CNTN5: variants seen among roughly 807,000 people sequenced by gnomAD.
CNTN5 encodes contactin-5.
CNTN5 carries 77 observed loss-of-function variants against 129.1 expected under a neutral mutation model. The observed-to-expected ratio is 0.60, with a 90% CI of 0.50 to 0.72. The LOEUF (loss-of-function observed/expected upper bound fraction) is 0.72. CNTN5 is among the 30% of genes least tolerant of loss of function. The pLI, the probability that CNTN5 is intolerant of heterozygous loss-of-function variation, is 0.00. For synonymous variants in CNTN5, 509 were observed against 465.6 expected, an observed-to-expected ratio of 1.09 and a Z score of -1.20; for missense variants, 1,478 against 1,328.8, an observed-to-expected ratio of 1.11 and a Z score of -1.75.
intron 1 of CNTN5, among the ~76,000 whole-genome samples, chr11:99,087,628 G>A (rs957260793): frequency 1.3e-5 from 2 of 152,136 alleles, no homozygotes; most frequent in African/African-American, 2.4e-5. Flanking sequence ...AGTACTTCTT[G>A]ATATCCGTTA....
intron 2 of CNTN5, among the ~76,000 whole-genome samples, chr11:99,551,139 T>C (rs866327615): frequency 2.0e-5 from 3 of 152,180 alleles, no homozygotes; most frequent in Non-Finnish European, 1.5e-5. Flanking sequence ...GCACTATTTA[T>C]ACACTGCAGT....
At chr11:99,038,954 G>A (rs954773614) in intron 1 of CNTN5, among the ~76,000 whole-genome samples, 4 of 151,972 alleles carry the variant, frequency 2.6e-5, no homozygotes, top group African/African-American at 9.7e-5. Flanking sequence ...CCTAATTGTT[G>A]TATTGATTAT....
intron 18 of CNTN5, among the ~76,000 whole-genome samples, chr11:100,279,837 G>C: frequency 6.8e-6 from 1 of 146,488 alleles, no homozygotes; most frequent in East Asian, 2.0e-4. Flanking sequence ...ACTAATTTTG[G>C]GTTTGGTTTA....
chr11:99,822,801 A>G (rs1427413062), intron 4 of CNTN5, among the ~76,000 whole-genome samples: 1 of 152,238 alleles, frequency 6.6e-6, no homozygotes, highest in Non-Finnish European at 1.5e-5. Context: ...TCTGTTGGCT[A>G]TGGCTATTAA....
intron 1 of CNTN5, among the ~76,000 whole-genome samples, chr11:99,285,299 T>TA (rs1186513088): frequency 6.6e-6 from 1 of 152,182 alleles, no homozygotes; most frequent in African/African-American, 2.4e-5. Context: ...CCTTTAGTGT[T>TA]AAAAATCTCC....
At chr11:99,023,406 G>A (rs1862973599) in intron 1 of CNTN5, among the ~76,000 whole-genome samples, 3 of 152,218 alleles carry the variant, frequency 2.0e-5, no homozygotes, top group South Asian at 4.1e-4. Flanking sequence ...GAGTGTGATT[G>A]TCTGTCACAG....
chr11:99,743,381 C>T (rs74397240), intron 3 of CNTN5, among the ~76,000 whole-genome samples: 4,750 of 152,172 alleles, frequency 0.031, 112 homozygotes, highest in African/African-American at 0.061. Context: ...TTGTCTTCCT[C>T]ATTAAATTGT....
At chr11:99,622,162 A>G (rs1950971876) in intron 3 of CNTN5, among the ~76,000 whole-genome samples, 1 of 152,160 alleles carries the variant, frequency 6.6e-6, no homozygotes, top group South Asian at 2.1e-4. Context: ...TAACTTTTTC[A>G]TTCACATGTA....
In CNTN5 at chr11:99,095,484, A is replaced by T. The variant is rs1302408862; in HGVS notation, c.-210+74214A>T. Among the ~76,000 whole-genome samples, 3 of 152,056 alleles carry T rather than the reference A, an allele frequency of 2.0e-5. No homozygotes were observed. In the East Asian group the frequency reaches 5.8e-4, roughly 29 times the overall value. Reference sequence around the variant, plus strand: ...GGAAGTTACTTCTTTTACCTGGGGCATGTATGAAATACTAGCATTTACGGT... The same window carrying T: ...GGAAGTTACTTCTTTTACCTGGGGCTTGTATGAAATACTAGCATTTACGGT... On this transcript the variant is annotated intron_variant, in intron 1 of 24. Transcript: ENST00000524871.
chr11:100,016,485 C>T (rs1456649447), intron 9 of CNTN5, among the ~76,000 whole-genome samples: 1 of 151,902 alleles, frequency 6.6e-6, no homozygotes, highest in Non-Finnish European at 1.5e-5. Flanking sequence ...TGTCTTATAG[C>T]TCATTCTTCG....
intron 6 of CNTN5, among the ~76,000 whole-genome samples, chr11:99,874,260 C>T (rs1198055428): frequency 1.3e-5 from 2 of 152,280 alleles, no homozygotes; most frequent in African/African-American, 2.4e-5. Flanking sequence ...GGTCTTCCTC[C>T]GTTCCTTTCC....
At chr11:100,128,465 A>G (rs1389164705) in intron 13 of CNTN5, among the ~76,000 whole-genome samples, 2 of 152,162 alleles carry the variant, frequency 1.3e-5, no homozygotes, top group Non-Finnish European at 2.9e-5. Flanking sequence ...GTCACTTTAC[A>G]TGGCAAAGTG....
chr11:99,310,532 T>A (rs1358306375), intron 1 of CNTN5, among the ~76,000 whole-genome samples: 1 of 152,170 alleles, frequency 6.6e-6, no homozygotes, highest in African/African-American at 2.4e-5. Flanking sequence ...CTTTTATTTG[T>A]TTTTAGGCAC....
rs529685821 is a variant in CNTN5, at chr11:99,270,883, G to A, written c.-209-54463G>A. Reference sequence around the variant, plus strand: ...CATAGAATGCATGTTTGTATTCAACGTAATGGCATGATTTGGTAAAAGTTT... The same window carrying A: ...CATAGAATGCATGTTTGTATTCAACATAATGGCATGATTTGGTAAAAGTTT... On this transcript the variant is annotated intron_variant, in intron 1 of 24. Coordinates refer to ENST00000524871, the MANE Select transcript of CNTN5 (RefSeq NM_014361.4). 1.2e-3 allele frequency among the ~76,000 whole-genome samples: 180 copies of A among 152,012 alleles called. 3 individuals are homozygous for A. The South Asian group carries it at 0.035, about 30-fold the overall frequency.
chr11:99,982,892 C>T (rs6590475), intron 8 of CNTN5, among the ~76,000 whole-genome samples: 56,930 of 151,944 alleles, frequency 0.37, 10,950 homozygotes, highest in African/African-American at 0.44. Context: ...CCGCCCACCT[C>T]GGCCTCCCAA....
At chr11:99,825,606 C>G (rs190777434) in intron 4 of CNTN5, among the ~76,000 whole-genome samples, 368 of 152,042 alleles carry the variant, frequency 2.4e-3, no homozygotes, top group African/African-American at 8.7e-3. Flanking sequence ...CTATCTTAGT[C>G]TTTATCTGTC....
intron 10 of CNTN5, among the ~76,000 whole-genome samples, chr11:100,062,853 C>T (rs192974943): frequency 1.3e-3 from 198 of 152,270 alleles, no homozygotes; most frequent in African/African-American, 4.6e-3. Flanking sequence ...ATTAAGACAA[C>T]GCTCTCTAGC....
chr11:100,155,902 G>A (rs890846252), intron 13 of CNTN5, among the ~76,000 whole-genome samples: 1 of 152,052 alleles, frequency 6.6e-6, no homozygotes, highest in African/African-American at 2.4e-5. Context: ...AGGAGATTTG[G>A]GGCTGAGAAG....
At chr11:99,882,593 T>C (rs1334559851) in intron 6 of CNTN5, among the ~76,000 whole-genome samples, 1 of 152,092 alleles carries the variant, frequency 6.6e-6, no homozygotes, top group South Asian at 2.1e-4. Flanking sequence ...ACATAGTAGG[T>C]GTATGTGTTT....
Sources: gnomAD v4.1 joint callset for allele counts (sites outside exome capture counted in the v4.1 genomes callset) on GRCh38, gnomAD v4.1.1 for gene constraint, MANE v1.5 for transcripts, NCBI Gene and HGNC (gene_info 2026-07-23, HGNC 2026-07-21) for gene names.